The following APBB2 variants were observed in gnomAD, a reference collection of about 807,000 sequenced individuals.
APBB2 encodes the protein Fe65-like 1.
APBB2 carries 38 observed loss-of-function variants against 82.5 expected under a neutral mutation model. That is an observed-to-expected ratio of 0.46 (90% confidence interval 0.36 to 0.60). The LOEUF (loss-of-function observed/expected upper bound fraction) is 0.60, where lower values mean the gene tolerates loss of function less well. Among genes scored for constraint, APBB2 ranks in the 20% least tolerant of loss-of-function variants. APBB2 has a pLI of 0.00. For synonymous variants in APBB2, 341 were observed against 368.2 expected (o/e 0.93, Z 0.85); for missense variants, 772 against 972.3 (o/e 0.79, Z 2.74).
intron 3 of APBB2, among the ~76,000 whole-genome samples, chr4:41,084,985 T>A (rs1739099692): frequency 1.3e-5 from 2 of 152,158 alleles, no homozygotes; most frequent in African/African-American, 4.8e-5. Flanking sequence ...GCACAGTGGC[T>A]CATGCCTGTA....
chr4:40,849,396 T>C (rs918644540), intron 12 of APBB2, among the ~76,000 whole-genome samples: 1 of 152,214 alleles, frequency 6.6e-6, no homozygotes, highest in Non-Finnish European at 1.5e-5. Context: ...CTTGGAACAT[T>C]TGTCTAAATG....
intron 12 of APBB2, among the ~76,000 whole-genome samples, chr4:40,866,279 C>G (rs1472211890): frequency 6.6e-6 from 1 of 151,880 alleles, no homozygotes; most frequent in South Asian, 2.1e-4. Flanking sequence ...CATCAGTCAT[C>G]TTTAAAAATT....
intron 1 of APBB2, among the ~76,000 whole-genome samples, chr4:41,185,574 CTTCTTTAT>C (rs1772679757): frequency 6.6e-6 from 1 of 152,176 alleles, no homozygotes. Context: ...TATAGCTTTT[CTTCTTTAT>C]TGACTATGTC....
intron 1 of APBB2, among the ~76,000 whole-genome samples, chr4:41,196,486 T>C: frequency 6.6e-6 from 1 of 152,190 alleles, no homozygotes; most frequent in South Asian, 2.1e-4. Flanking sequence ...CATTTTGCTG[T>C]TTTTGTCTGG....
intron 1 of APBB2, among the ~76,000 whole-genome samples, chr4:41,195,716 C>T: frequency 6.6e-6 from 1 of 151,986 alleles, no homozygotes; most frequent in Non-Finnish European, 1.5e-5. Flanking sequence ...CAGCCCTACC[C>T]TTAGATCCTT....
At chr4:41,147,478 C>T (rs1471151816) in intron 1 of APBB2, among the ~76,000 whole-genome samples, 1 of 141,614 alleles carries the variant, frequency 7.1e-6, no homozygotes, top group Non-Finnish European at 1.5e-5. Flanking sequence ...AATGTTTGGC[C>T]AGCTTTTTTT....
intron 2 of APBB2, among the ~76,000 whole-genome samples, chr4:41,132,000 A>C (rs1358496638): frequency 6.6e-6 from 1 of 152,002 alleles, no homozygotes; most frequent in African/African-American, 2.4e-5. Context: ...AGACTGCACC[A>C]CTGCACTCCA....
intron 1 of APBB2, among the ~76,000 whole-genome samples, chr4:41,146,586 G>C (rs997895374): frequency 2.0e-5 from 3 of 152,180 alleles, no homozygotes; most frequent in African/African-American, 7.2e-5. Context: ...CTTGGAGTAA[G>C]AGCAGGCTTT....
intron 4 of APBB2, among the ~76,000 whole-genome samples, chr4:41,049,282 C>A (rs1229185963): frequency 6.7e-6 from 1 of 148,736 alleles, no homozygotes; most frequent in Non-Finnish European, 1.5e-5. Context: ...GCCGCCCCGT[C>A]GGAGAAGTGA....
rs556915006 is a variant in APBB2 at position 41,034,456 on chromosome 4, T to C, written c.-50-1152A>G. 6.6e-5 allele frequency among the ~76,000 whole-genome samples: 10 copies of C among 152,040 alleles called. No homozygotes were observed. In the East Asian group the frequency reaches 1.9e-3, roughly 29 times the overall value. ...TCTCCTGCCTCAGCCTCCCGAGTAG[T>C]TGGGATTACAGGCGCGCATCACCAC... On this transcript the variant is annotated intron_variant, in intron 4 of 17. Coordinates refer to ENST00000508593, the MANE Select transcript of APBB2 (RefSeq NM_004307.2).
intron 6 of APBB2, among the ~76,000 whole-genome samples, chr4:40,969,154 A>G (rs1795367018): frequency 6.6e-6 from 1 of 152,154 alleles, no homozygotes; most frequent in South Asian, 2.1e-4. Flanking sequence ...CAGTGTGAAA[A>G]CAGACTAATA....
chr4:41,174,724 A>G (rs1283305519), intron 1 of APBB2, among the ~76,000 whole-genome samples: 1 of 152,212 alleles, frequency 6.6e-6, no homozygotes, highest in Non-Finnish European at 1.5e-5. Context: ...GCTACCTACT[A>G]GTCAAGCTCT....
At chr4:41,115,923 T>C (rs1312899196) in intron 2 of APBB2, among the ~76,000 whole-genome samples, 1 of 152,206 alleles carries the variant, frequency 6.6e-6, no homozygotes, top group Non-Finnish European at 1.5e-5. Flanking sequence ...CTCGAGGATC[T>C]AGAACCAGAA....
At chr4:40,935,670 A>G (rs1339695469) in intron 7 of APBB2, 1 of 152,396 alleles carries the variant, frequency 6.6e-6, no homozygotes, top group African/African-American at 2.4e-5. Context: ...TGAAGAACAC[A>G]GACTGACATC....
At chr4:40,962,718 G>C (rs71608053) in intron 6 of APBB2, among the ~76,000 whole-genome samples, 1 of 152,000 alleles carries the variant, frequency 6.6e-6, no homozygotes, top group Admixed American at 6.5e-5. Flanking sequence ...GGAGGACAAA[G>C]AAGTGGGGGA....
At chr4:40,905,865 G>A (rs1362883144) in intron 10 of APBB2, among the ~76,000 whole-genome samples, 1 of 152,134 alleles carries the variant, frequency 6.6e-6, no homozygotes, top group African/African-American at 2.4e-5. Context: ...GTAAGGGTAC[G>A]ATGGTCCAGA....
chr4:41,214,012 C>T (rs1779999966), intron 1 of APBB2, among the ~76,000 whole-genome samples: 1 of 152,228 alleles, frequency 6.6e-6, no homozygotes, highest in Non-Finnish European at 1.5e-5. Context: ...CAGTCCCCAC[C>T]CGGGCGCACC....
intron 6 of APBB2, among the ~76,000 whole-genome samples, chr4:41,004,329 A>C (rs1389970977): frequency 6.6e-6 from 1 of 152,156 alleles, no homozygotes; most frequent in Non-Finnish European, 1.5e-5. Context: ...TAGGCTATCC[A>C]AGGTTTGGAG....
chr4:40,988,107 T>G (rs544480176), intron 6 of APBB2, among the ~76,000 whole-genome samples: 155 of 152,318 alleles, frequency 1.0e-3, no homozygotes, highest in Non-Finnish European at 3.8e-4. Context: ...AAACAAATGG[T>G]CACCATGACT....
Sources: gnomAD v4.1 joint callset for allele counts (sites outside exome capture counted in the v4.1 genomes callset) on GRCh38, gnomAD v4.1.1 for gene constraint, MANE v1.5 for transcripts, NCBI Gene and HGNC (gene_info 2026-07-23, HGNC 2026-07-21) for gene names.